TASP1: variants seen among roughly 807,000 people sequenced by gnomAD.
The protein encoded by TASP1 is threonine aspartase 1.
Under a neutral mutation model 56.6 loss-of-function variants are expected in TASP1, and 16 were observed. The ratio of observed to expected loss-of-function variants is 0.28; its 90% CI spans 0.19 to 0.43. The LOEUF is 0.43. Among genes scored for constraint, TASP1 ranks in the 20% least tolerant of loss-of-function variants. TASP1 has a pLI of 1.00. For missense variants in TASP1, 393 were observed against 511.6 expected, an observed-to-expected ratio of 0.77 and a Z score of 2.24; for synonymous variants, 179 against 184.2, an observed-to-expected ratio of 0.97 and a Z score of 0.23.
chr20:13,117,574 A>T, the TASP1 span: 5 of 1,613,948 alleles, frequency 3.1e-6, no homozygotes, highest in Non-Finnish European at 4.2e-6. Context: ...GCTTACCTCT[A>T]CATAGATGAA....
In TASP1 at chr20:13,630,071, A is replaced by G. The variant is rs764305222; in HGVS notation, c.8T>C (p.Met3Thr). The G allele has an allele frequency of 6.2e-7, 1 of 1,612,188 alleles. No individual in the cohort carries two copies. The highest frequency in any genetic ancestry group is 8.5e-7 in the Non-Finnish European group (1 of 1,179,500). MT[M>T]EKGMSSGEGL... Reference sequence around the variant, plus strand: ...TTCTCCAGAACTCATCCCCTTCTCCATGGTCATTCTCCAAGATTACCATCT... The same window carrying G: ...TTCTCCAGAACTCATCCCCTTCTCCGTGGTCATTCTCCAAGATTACCATCT... Residue 3 changes from methionine to threonine, a missense_variant, in exon 2 of 14, where the codon ATG (methionine) becomes ACG (threonine). Coordinates refer to ENST00000337743, the MANE Select transcript of TASP1 (RefSeq NM_017714.3).
chr20:13,162,295 T>C, the TASP1 span, among the ~76,000 whole-genome samples: 3 of 152,148 alleles, frequency 2.0e-5, no homozygotes, highest in South Asian at 6.2e-4. Context: ...ACACACAGCA[T>C]GGATGAATTT....
At chr20:13,536,871 T>C (rs1312125965) in intron 8 of TASP1, among the ~76,000 whole-genome samples, 3 of 151,972 alleles carry the variant, frequency 2.0e-5, no homozygotes, top group Admixed American at 6.6e-5. Flanking sequence ...TTATGGTATA[T>C]AGCATGATGT....
the TASP1 span, among the ~76,000 whole-genome samples, chr20:13,243,324 C>T: frequency 2.0e-5 from 3 of 152,144 alleles, no homozygotes; most frequent in Non-Finnish European, 4.4e-5. Context: ...TTAGCAGTCC[C>T]AGCTCAGAAG....
the TASP1 span, among the ~76,000 whole-genome samples, chr20:13,152,142 A>T: frequency 6.6e-6 from 1 of 152,146 alleles, no homozygotes; most frequent in Non-Finnish European, 1.5e-5. Context: ...CTAGAATCCA[A>T]TTCTGGCTTG....
intron 11 of TASP1, among the ~76,000 whole-genome samples, chr20:13,462,181 T>C (rs1304580534): frequency 6.6e-6 from 1 of 152,160 alleles, no homozygotes; most frequent in Non-Finnish European, 1.5e-5. Flanking sequence ...AAGTCTTTGA[T>C]TAAGCCACAT....
chr20:13,491,808 C>T (rs1447581193), intron 10 of TASP1, among the ~76,000 whole-genome samples: 1 of 152,056 alleles, frequency 6.6e-6, no homozygotes, highest in East Asian at 1.9e-4. Context: ...GTAGTAGTAG[C>T]AGCAGTGGTG....
chr20:13,169,772 C>T, the TASP1 span, among the ~76,000 whole-genome samples: 1 of 152,108 alleles, frequency 6.6e-6, no homozygotes, highest in African/African-American at 2.4e-5. Flanking sequence ...CAGCTTCAAA[C>T]ATTACCAATT....
At chr20:13,616,670 A>C (rs2048535725) in intron 4 of TASP1, among the ~76,000 whole-genome samples, 1 of 151,804 alleles carries the variant, frequency 6.6e-6, no homozygotes, top group African/African-American at 2.4e-5. Flanking sequence ...GTTGGGGAAG[A>C]AATCACTGCT....
chr20:13,253,818 T>G, the TASP1 span, among the ~76,000 whole-genome samples: 71 of 151,574 alleles, frequency 4.7e-4, no homozygotes, highest in African/African-American at 1.7e-3. Context: ...ATCTTAAAAT[T>G]TAAAAAAAAG....
the TASP1 span, among the ~76,000 whole-genome samples, chr20:13,210,952 C>A: frequency 6.6e-6 from 1 of 152,066 alleles, no homozygotes; most frequent in African/African-American, 2.4e-5. Context: ...TATAGTTAGG[C>A]CAAGCCGACA....
chr20:13,299,527 C>T, the TASP1 span: 2 of 1,400,848 alleles, frequency 1.4e-6, no homozygotes, highest in Non-Finnish European at 1.9e-6. This position sits in a 1 kb window ranked among gnomAD's most constrained non-coding sequence, Gnocchi z 5.8. Flanking sequence ...ACTGACGTGC[C>T]GACTGGCGCC....
At chr20:13,635,122 T>C (rs976368180) in intron 1 of TASP1, among the ~76,000 whole-genome samples, 6 of 152,196 alleles carry the variant, frequency 3.9e-5, no homozygotes, top group Non-Finnish European at 8.8e-5. Context: ...TTGTACACTT[T>C]GAATGGGTAA....
At chr20:13,216,547 T>G in the TASP1 span, among the ~76,000 whole-genome samples, 1 of 152,130 alleles carries the variant, frequency 6.6e-6, no homozygotes, top group South Asian at 2.1e-4. Flanking sequence ...CAAAGGGACC[T>G]TACAGCCCAC....
intron 6 of TASP1, among the ~76,000 whole-genome samples, chr20:13,572,685 C>CAA (rs71188164): frequency 0.019 from 1,595 of 83,864 alleles, 96 homozygotes; most frequent in African/African-American, 0.055. Flanking sequence ...GACTCCATCT[C>CAA]AAAAAAAAAA....
At chr20:13,138,528 G>A in the TASP1 span, among the ~76,000 whole-genome samples, 1 of 152,214 alleles carries the variant, frequency 6.6e-6, no homozygotes, top group Non-Finnish European at 1.5e-5. Context: ...TTATTTAATT[G>A]CACCTTAAGC....
chr20:13,292,500 T>A, the TASP1 span: 2 of 1,296,472 alleles, frequency 1.5e-6, no homozygotes, highest in Non-Finnish European at 2.2e-6. Context: ...AATATTGACT[T>A]AGTGCCTCGG....
chr20:13,195,227 G>T, the TASP1 span, among the ~76,000 whole-genome samples: 1 of 152,186 alleles, frequency 6.6e-6, no homozygotes, highest in East Asian at 1.9e-4. Flanking sequence ...TTTTGGCAAT[G>T]AAATTTAAGT....
chr20:13,302,706 T>C, the TASP1 span, among the ~76,000 whole-genome samples: 1 of 152,186 alleles, frequency 6.6e-6, no homozygotes, highest in Non-Finnish European at 1.5e-5. Context: ...CAAATTTTTC[T>C]CTTTGAGTGC....
Sources: allele counts gnomAD v4.1 joint callset (sites outside exome capture counted in the v4.1 genomes callset), GRCh38; gene constraint gnomAD v4.1.1; non-coding constraint Gnocchi (gnomAD v3.1); transcripts MANE v1.5; gene names NCBI Gene and HGNC (gene_info 2026-07-23, HGNC 2026-07-21).